Variants in KNTC1 observed in about 807,000 individuals in gnomAD.
KNTC1 encodes the protein kinetochore associated 1.
Under a neutral mutation model 314.4 loss-of-function variants are expected in KNTC1, and 253 were observed. The observed-to-expected ratio is 0.80, with a 90% confidence interval of 0.73 to 0.89. KNTC1 has a LOEUF of 0.89. KNTC1 is among the 40% of genes least tolerant of loss of function. KNTC1 has a pLI of 0.00. For synonymous variants in KNTC1, 901 were observed against 901.4 expected (o/e 1.00, Z 0.01); for missense variants, 2,475 against 2,572.9 (o/e 0.96, Z 0.82).
At chr12:122,577,902 G>C in intron 31 of KNTC1, 111 bp downstream of exon 31, 1 of 952,964 alleles carries the variant, frequency 1.0e-6, no homozygotes, top group East Asian at 3.2e-5. Context: ...CTCACTGCTA[G>C]GGTGGCCTAG....
intron 16 of KNTC1, among the ~76,000 whole-genome samples, chr12:122,552,891 T>C (rs938204763): frequency 1.3e-5 from 2 of 152,006 alleles, no homozygotes; most frequent in Non-Finnish European, 2.9e-5. Flanking sequence ...GGTGGCTCAC[T>C]CCTTTAATTC....
intron 31 of KNTC1, 141 bp downstream of exon 31, chr12:122,577,932 A>T (rs1965140685): frequency 2.9e-6 from 2 of 693,472 alleles, no homozygotes; most frequent in South Asian, 6.5e-5. Context: ...TCCTGGGTAA[A>T]TTTACTACTA....
At chr12:122,543,543 T>C in intron 6 of KNTC1, 57 bp from the exon 7 acceptor site, 1 of 1,188,842 alleles carries the variant, frequency 8.4e-7, no homozygotes, top group Non-Finnish European at 1.2e-6. Context: ...AACAGGTGAC[T>C]TGTATTATTT....
At position 122,609,398 on chromosome 12, in the gene KNTC1, A is replaced by G; in HGVS notation, c.5511A>G (p.Leu1837=). The G allele has an allele frequency of 6.3e-7, 1 of 1,585,424 alleles. No individual in the cohort carries two copies. The highest frequency in any genetic ancestry group is 8.6e-7 in the Non-Finnish European group (1 of 1,163,854). The change falls in exon 52 of 64, where the codon TTA becomes TTG. Residue 1837 remains leucine, a synonymous_variant. Transcript: ENST00000333479. The part of the protein sequence containing the change: ...STKPGEKPSE[L]FELQEDEALR... ...CCTTTTCAAAGAAACCATCAGAATTATTTGAACTTCAAGAAGATGAAGCCC... is the reference window on the plus strand; with the variant it reads ...CCTTTTCAAAGAAACCATCAGAATTGTTTGAACTTCAAGAAGATGAAGCCC...
chr12:122,546,176 G>A lies in KNTC1; in HGVS notation c.670G>A (p.Gly224Arg), dbSNP rs749792196. 5 of 1,598,612 alleles carry A rather than the reference G, an allele frequency of 3.1e-6. No individual in the cohort carries two copies. The Admixed American group carries it at 6.7e-5, about 21-fold the overall frequency. Residue 224 changes from glycine (G) to arginine (R), a missense_variant and splice_region_variant, in exon 9 of 64, where the codon GGA (glycine) becomes AGA (arginine). Physicochemically the swap from Gly to Arg is moderately radical, Grantham distance 125. Coordinates refer to ENST00000333479, the MANE Select transcript of KNTC1 (RefSeq NM_014708.6). ...LASEVPVIIG[G>R]TGNCAFSKWE... ...TTAAGTACTGTGTTCATTTTTCCAG[G>A]GAACCGGTAATTGTGCATTCTCAAA...
chr12:122,578,081 A>G (rs1425489388), intron 31 of KNTC1, among the ~76,000 whole-genome samples: 1 of 152,238 alleles, frequency 6.6e-6, no homozygotes, highest in Non-Finnish European at 1.5e-5. Flanking sequence ...AATATAAACA[A>G]TGTTTTGTGT....
Position 122,569,815 on chromosome 12 carries a change from T to G in KNTC1, c.1851T>G (p.Pro617=). ...DVIPFVRRTV[P]EGQIILAKWL... is the part of the protein sequence containing the mutation. The stretch of plus-strand genomic sequence containing the variant: ...TTCCATTTGTAAGAAGGACTGTGCC[T>G]GAAGGACAGGTGAGTTGTCTTCAGT... Residue 617 remains proline (P), a synonymous_variant, in exon 22 of 64, where the codon CCT becomes CCG. Transcript: ENST00000333479. 1 of 1,610,966 alleles carries G rather than the reference T, an allele frequency of 6.2e-7. No homozygotes were observed. The highest frequency in any genetic ancestry group is 8.5e-7 in the Non-Finnish European group (1 of 1,178,922).
chr12:122,552,293 G>A (rs1305122798), intron 16 of KNTC1, among the ~76,000 whole-genome samples: 1 of 152,074 alleles, frequency 6.6e-6, no homozygotes, highest in Non-Finnish European at 1.5e-5. Context: ...AGAATGAGGG[G>A]GACTTGTGAT....
Position 122,568,286 on chromosome 12 carries a change from A to C in KNTC1, c.1630A>C (p.Asn544His), listed in dbSNP as rs1964474407. Residue 544 changes from asparagine (N) to histidine (H), a missense_variant, in exon 21 of 64, where the codon AAT (asparagine) becomes CAT (histidine). By Grantham distance (68) the Asn-to-His change is moderately conservative. Coordinates refer to ENST00000333479, the MANE Select transcript of KNTC1 (RefSeq NM_014708.6). ...FSGSSWIEFL[N>H]NEDDLKDIFL... The stretch of plus-strand genomic sequence containing the variant: ...TGGCAGTTCTTGGATTGAATTTCTA[A>C]ATAATGAAGATGATCTTAAAGATAT... 3.8e-6 allele frequency: 6 copies of C among 1,565,736 alleles called. No homozygotes were observed. In the South Asian group the frequency reaches 4.5e-5, roughly 12 times the overall value.
intron 38 of KNTC1, 25 bp from the exon 39 acceptor site, chr12:122,587,686 A>G: frequency 1.3e-6 from 2 of 1,566,340 alleles, no homozygotes; most frequent in Non-Finnish European, 1.7e-6. Context: ...AAATCTAAAT[A>G]TTAAAATCCT....
intron 43 of KNTC1, chr12:122,597,411 G>C: frequency 3.2e-6 from 1 of 309,140 alleles, no homozygotes; most frequent in South Asian, 3.0e-5. Context: ...ACCATGCCTG[G>C]CTAATTTTTG....
At chr12:122,539,980 A>G (rs1001301693) in intron 5 of KNTC1, among the ~76,000 whole-genome samples, 4 of 151,096 alleles carry the variant, frequency 2.6e-5, no homozygotes, top group African/African-American at 4.9e-5. Flanking sequence ...GAGTTTCACC[A>G]TGTTGGCCAG....
chr12:122,575,982 G>A, intron 29 of KNTC1, 83 bp downstream of exon 29: 4 of 1,443,268 alleles, frequency 2.8e-6, no homozygotes, highest in Non-Finnish European at 3.7e-6. Flanking sequence ...TATATTCTAG[G>A]AGGCTAATAG....
Position 122,613,856 on chromosome 12 carries a change from TTGG to T in KNTC1, c.5877+96_5877+98del, listed in dbSNP as rs1566017716. 3 of 1,311,542 alleles carry T rather than the reference TTGG, an allele frequency of 2.3e-6. No homozygotes were observed. In the Admixed American group the frequency reaches 8.6e-5, roughly 38 times the overall value. The allele number at this position is 1,311,542 out of a possible 1,614,324, so 81.2% of individuals were successfully genotyped here. A position where few individuals can be genotyped will look rare whatever the true frequency, so the allele number is the denominator to read the frequency against. The stretch of plus-strand genomic sequence containing the variant: ...AACAGTCTTTTTGTTGTTGTTGTTG[TTGG>T]GGACAGAGTTTTGCTCTGTTGCCCA... On this transcript the variant is annotated intron_variant, in intron 55 of 63. Transcript: ENST00000333479.
rs768908310 is a variant in KNTC1, at chr12:122,546,613, CT to C, written c.764-5del. 60 of 1,550,862 alleles carry C rather than the reference CT, an allele frequency of 3.9e-5. No individual in the cohort carries two copies. The highest frequency in any genetic ancestry group is 5.2e-5 in the Non-Finnish European group (59 of 1,134,694). ...AAAATCCTGAGACATCTTATTTTCT[CT>C]TTTGTAGGTGCAAAGAAGTTCCAGC... On this transcript the variant is annotated splice_polypyrimidine_tract_variant and splice_region_variant and intron_variant, in intron 9 of 63. Transcript: ENST00000333479.
chr12:122,573,199 A>T lies in KNTC1; in HGVS notation c.2197A>T (p.Ile733Phe). The change falls in exon 26 of 64, where the codon ATT becomes TTT. Residue 733 changes from isoleucine to phenylalanine, a missense_variant. Ile to Phe is a conservative substitution (Grantham distance 21). Coordinates refer to ENST00000333479, the MANE Select transcript of KNTC1 (RefSeq NM_014708.6). ...MFDKVLAPEL[I>F]PSILEKFIRV... ...TGATAAAGTGCTGGCCCCAGAGCTT[A>T]TTCCCTCCATCTTAGAGAAGTTTAT... The T allele has an allele frequency of 6.2e-7, 1 of 1,613,940 alleles. No individual in the cohort carries two copies. The highest frequency in any genetic ancestry group is 8.5e-7 in the Non-Finnish European group (1 of 1,179,826).
intron 40 of KNTC1, among the ~76,000 whole-genome samples, chr12:122,589,387 T>C (rs903976738): frequency 1.3e-5 from 2 of 152,062 alleles, no homozygotes; most frequent in African/African-American, 4.8e-5. Flanking sequence ...AAATATTTAA[T>C]GTTTCATCAA....
At chr12:122,557,121 AT>A (rs2137816293) in intron 16 of KNTC1, among the ~76,000 whole-genome samples, 1 of 152,210 alleles carries the variant, frequency 6.6e-6, no homozygotes, top group African/African-American at 2.4e-5. Flanking sequence ...TTTAGATTCC[AT>A]ATCTTAGCTC....
rs540205643 is a variant in KNTC1, at chr12:122,528,615, G to A, written c.-74+1264G>A. 9.2e-5 allele frequency among the ~76,000 whole-genome samples: 14 copies of A among 152,204 alleles called. No homozygotes were observed. In the South Asian group the frequency reaches 2.7e-3, roughly 29 times the overall value. On this transcript the variant is annotated intron_variant, in intron 1 of 63. Transcript: ENST00000333479. Reference sequence around the variant, plus strand: ...ACAACTAAATTAGTCCCTTGGTATTGGTATCCATGGGAGATTGGTTCCAGG... The same window carrying A: ...ACAACTAAATTAGTCCCTTGGTATTAGTATCCATGGGAGATTGGTTCCAGG...
Sources: allele counts gnomAD v4.1 joint callset (sites outside exome capture counted in the v4.1 genomes callset), GRCh38; gene constraint gnomAD v4.1.1; transcripts MANE v1.5; gene names NCBI Gene and HGNC (gene_info 2026-07-23, HGNC 2026-07-21).